Variants in ELMO1 observed in about 807,000 individuals in gnomAD.
ELMO1 encodes the protein engulfment and cell motility 1.
A neutral mutation model predicts 98.9 loss-of-function variants in ELMO1; 26 were observed. That is an observed-to-expected ratio of 0.26 (90% confidence interval 0.19 to 0.36). The LOEUF is 0.36. ELMO1 is among the 10% of genes least tolerant of loss of function. ELMO1 has a pLI of 1.00. For missense variants in ELMO1, 627 were observed against 935.2 expected, an observed-to-expected ratio of 0.67 and a Z score of 4.30; for synonymous variants, 346 against 346.0, an observed-to-expected ratio of 1.00 and a Z score of 0.00.
intron 16 of ELMO1, among the ~76,000 whole-genome samples, chr7:36,975,407 G>A (rs932275856): frequency 2.0e-5 from 3 of 152,118 alleles, no homozygotes; most frequent in Admixed American, 2.0e-4. Context: ...GGGAGGCGGA[G>A]GTTGCAGTGA....
chr7:37,084,714 T>A (rs1167772884), intron 15 of ELMO1, among the ~76,000 whole-genome samples: 1 of 151,984 alleles, frequency 6.6e-6, no homozygotes, highest in Non-Finnish European at 1.5e-5. Flanking sequence ...ATAGAAAGCA[T>A]CCAATAAATG....
At chr7:36,875,391 C>G (rs1182417630) in intron 19 of ELMO1, among the ~76,000 whole-genome samples, 2 of 152,210 alleles carry the variant, frequency 1.3e-5, no homozygotes, top group African/African-American at 4.8e-5. Flanking sequence ...CTTTCTCTCT[C>G]TCTCACACAC....
intron 15 of ELMO1, among the ~76,000 whole-genome samples, chr7:37,081,297 TA>T (rs1262038654): frequency 2.6e-5 from 4 of 152,266 alleles, no homozygotes; most frequent in Admixed American, 2.0e-4. Context: ...ATGCAATTAT[TA>T]AAAGTTTGAA....
intron 20 of ELMO1, among the ~76,000 whole-genome samples, chr7:36,865,743 T>C (rs17170754): frequency 0.039 from 6,007 of 152,276 alleles, 287 homozygotes; most frequent in East Asian, 0.25. Context: ...CATAGACATA[T>C]TGAATTGTAA....
intron 16 of ELMO1, among the ~76,000 whole-genome samples, chr7:36,932,977 A>T (rs1299836051): frequency 6.6e-6 from 1 of 152,182 alleles, no homozygotes; most frequent in Non-Finnish European, 1.5e-5. Context: ...TGCTGCAGCC[A>T]GGGCTCAGAG....
chr7:37,291,995 C>T (rs1174740872), intron 4 of ELMO1, among the ~76,000 whole-genome samples: 1 of 115,070 alleles, frequency 8.7e-6, no homozygotes, highest in African/African-American at 3.0e-5. Flanking sequence ...CCTCTGATGC[C>T]GAGCCGAAGC....
At chr7:36,961,328 G>C (rs1000746170) in intron 16 of ELMO1, among the ~76,000 whole-genome samples, 9 of 152,238 alleles carry the variant, frequency 5.9e-5, no homozygotes, top group African/African-American at 2.2e-4. Flanking sequence ...ATAAGACAGA[G>C]ACAGTCTTTG....
At chr7:37,086,781 T>C (rs1318967578) in intron 15 of ELMO1, among the ~76,000 whole-genome samples, 4 of 128,528 alleles carry the variant, frequency 3.1e-5, no homozygotes, top group Non-Finnish European at 6.8e-5. Context: ...CTTTGAACTT[T>C]CTTGCCAAAA....
rs546750159 is a variant in ELMO1 at position 36,973,739 on chromosome 7, G to A, written c.1437+39560C>T. Reference sequence around the variant, plus strand: ...CAGCTCCCTCGGCTTGCAGGGAGGTGTGGAGGGAGAGGCGCGAGCGGGAAC... The same window carrying A: ...CAGCTCCCTCGGCTTGCAGGGAGGTATGGAGGGAGAGGCGCGAGCGGGAAC... On this transcript the variant is annotated intron_variant, in intron 16 of 21. Coordinates refer to ENST00000310758, the MANE Select transcript of ELMO1 (RefSeq NM_014800.11). 4.6e-5 allele frequency among the ~76,000 whole-genome samples: 7 copies of A among 152,348 alleles called. No individual in the cohort carries two copies. In the South Asian group the frequency reaches 1.4e-3, roughly 32 times the overall value.
At position 36,872,316 on chromosome 7, in the gene ELMO1, A is replaced by T. The variant is rs536497054; in HGVS notation, c.1823-1841T>A. ...CAGAGGGCAATTCCTAGGGTTGGAA[A>T]TAAACAGAAAGTGAGAGGATGGAAG... On this transcript the variant is annotated intron_variant, in intron 19 of 21. Coordinates refer to ENST00000310758, the MANE Select transcript of ELMO1 (RefSeq NM_014800.11). 3.3e-5 allele frequency among the ~76,000 whole-genome samples: 5 copies of T among 152,324 alleles called. No individual in the cohort carries two copies. In the East Asian group the frequency reaches 9.7e-4, roughly 29 times the overall value.
intron 4 of ELMO1, among the ~76,000 whole-genome samples, chr7:37,302,175 A>C: frequency 6.6e-6 from 1 of 152,254 alleles, no homozygotes; most frequent in South Asian, 2.1e-4. Flanking sequence ...ACAAGAGTCT[A>C]GCAATATTGC....
chr7:37,120,383 A>G (rs560589270), intron 14 of ELMO1, among the ~76,000 whole-genome samples: 70 of 152,306 alleles, frequency 4.6e-4, no homozygotes, highest in African/African-American at 1.6e-3. Context: ...TAGCCAAGGG[A>G]AGGGGTAACA....
At chr7:37,087,392 T>G (rs1393380702) in intron 15 of ELMO1, among the ~76,000 whole-genome samples, 1 of 152,206 alleles carries the variant, frequency 6.6e-6, no homozygotes, top group African/African-American at 2.4e-5. Context: ...AAAGCTGTTT[T>G]GGTATCTTTA....
chr7:37,391,607 T>C (rs2131421822), intron 1 of ELMO1, among the ~76,000 whole-genome samples: 1 of 152,340 alleles, frequency 6.6e-6, no homozygotes, highest in East Asian at 1.9e-4. Context: ...ACGGCCTTCG[T>C]TACTCATGGA....
At chr7:36,871,057 A>G (rs1437137365) in intron 19 of ELMO1, among the ~76,000 whole-genome samples, 1 of 152,242 alleles carries the variant, frequency 6.6e-6, no homozygotes. Flanking sequence ...AGGTTTTATT[A>G]TCCCTGTTTT....
At chr7:36,898,354 C>A (rs374747444) in intron 16 of ELMO1, among the ~76,000 whole-genome samples, 6 of 152,192 alleles carry the variant, frequency 3.9e-5, no homozygotes, top group African/African-American at 1.4e-4. Context: ...AAAGAAAGCA[C>A]GCTCTTAGAA....
At chr7:36,894,633 G>A (rs1371210443) in intron 17 of ELMO1, among the ~76,000 whole-genome samples, 2 of 152,182 alleles carry the variant, frequency 1.3e-5, no homozygotes, top group African/African-American at 2.4e-5. Context: ...GCCAGCTCCT[G>A]GTTTAGATCC....
intron 15 of ELMO1, among the ~76,000 whole-genome samples, chr7:37,070,217 C>T (rs1361873271): frequency 1.3e-5 from 2 of 152,198 alleles, no homozygotes; most frequent in Non-Finnish European, 2.9e-5. Context: ...CATCACCCTA[C>T]GTTCCTGGCA....
chr7:37,091,000 A>G (rs999871470), intron 15 of ELMO1, among the ~76,000 whole-genome samples: 1 of 152,242 alleles, frequency 6.6e-6, no homozygotes, highest in Non-Finnish European at 1.5e-5. Flanking sequence ...TGTACCTGAC[A>G]TCGGAATATA....
Sources: allele counts gnomAD v4.1 joint callset (sites outside exome capture counted in the v4.1 genomes callset), GRCh38; gene constraint gnomAD v4.1.1; transcripts MANE v1.5; gene names NCBI Gene and HGNC (gene_info 2026-07-23, HGNC 2026-07-21).